Variants in COL25A1 observed in about 807,000 individuals in gnomAD.
The protein encoded by COL25A1 is collagen alpha-1(XXV) chain.
A neutral mutation model predicts 128.4 loss-of-function variants in COL25A1; 103 were observed. That is an observed-to-expected ratio of 0.80 (90% CI 0.68 to 0.94). The LOEUF is 0.94. Among genes scored for constraint, COL25A1 ranks in the 40% least tolerant of loss-of-function variants. The pLI is 0.00. For synonymous variants in COL25A1, 279 were observed against 277.2 expected (o/e 1.01, Z -0.06); for missense variants, 745 against 840.0 (o/e 0.89, Z 1.40).
chr4:108,846,503 C>T (rs1334129315), intron 27 of COL25A1, among the ~76,000 whole-genome samples: 1 of 152,160 alleles, frequency 6.6e-6, no homozygotes, highest in African/African-American at 2.4e-5. Flanking sequence ...GTATTTTTAC[C>T]TGGCAGCTAA....
intron 6 of COL25A1, among the ~76,000 whole-genome samples, chr4:109,003,598 C>T (rs1755671514): frequency 2.0e-5 from 3 of 152,150 alleles, no homozygotes; most frequent in South Asian, 2.1e-4. Flanking sequence ...GTCAGGAGTT[C>T]GAGACCAACC....
chr4:108,861,049 C>T (rs1330080752), intron 22 of COL25A1, 78 bp from the exon 23 acceptor site: 5 of 1,176,354 alleles, frequency 4.3e-6, no homozygotes, highest in Non-Finnish European at 6.4e-6. Flanking sequence ...ATGTTTATGC[C>T]ATACAGAAGC....
At chr4:109,126,121 T>C (rs1768575221) in intron 3 of COL25A1, among the ~76,000 whole-genome samples, 1 of 152,192 alleles carries the variant, frequency 6.6e-6, no homozygotes, top group South Asian at 2.1e-4. Context: ...ATTTTGCTAC[T>C]TGAAATGGAA....
chr4:109,218,703 CA>C (rs1778223660), intron 3 of COL25A1, among the ~76,000 whole-genome samples: 1 of 151,924 alleles, frequency 6.6e-6, no homozygotes, highest in Non-Finnish European at 1.5e-5. Context: ...CTCTTCACTT[CA>C]AAAAACATAA....
chr4:109,064,681 A>G (rs931857623), intron 3 of COL25A1, among the ~76,000 whole-genome samples: 1 of 152,252 alleles, frequency 6.6e-6, no homozygotes, highest in Non-Finnish European at 1.5e-5. Context: ...TAAGTTCTAC[A>G]GAATATTAGA....
intron 3 of COL25A1, among the ~76,000 whole-genome samples, chr4:109,153,914 C>T (rs13126849): frequency 0.088 from 13,411 of 152,250 alleles, 841 homozygotes; most frequent in East Asian, 0.23. Flanking sequence ...CAGGACTAAG[C>T]AGCTTGCTGA....
At chr4:109,210,688 C>T (rs1485828059) in intron 3 of COL25A1, among the ~76,000 whole-genome samples, 1 of 152,104 alleles carries the variant, frequency 6.6e-6, no homozygotes, top group African/African-American at 2.4e-5. Flanking sequence ...CAGTCTCAAT[C>T]TGACCCCTAG....
intron 6 of COL25A1, among the ~76,000 whole-genome samples, chr4:108,975,784 C>T (rs1385760710): frequency 1.3e-5 from 2 of 152,100 alleles, no homozygotes; most frequent in Admixed American, 6.5e-5. Flanking sequence ...TTTTAATATA[C>T]TTATTGACCA....
chr4:109,142,499 T>C (rs1770510531), intron 3 of COL25A1, among the ~76,000 whole-genome samples: 1 of 152,012 alleles, frequency 6.6e-6, no homozygotes, highest in African/African-American at 2.4e-5. Flanking sequence ...GTTAATCTAA[T>C]ATTGACAGTG....
intron 8 of COL25A1, among the ~76,000 whole-genome samples, chr4:108,971,913 T>G (rs1372277860): frequency 6.6e-6 from 1 of 152,184 alleles, no homozygotes; most frequent in Non-Finnish European, 1.5e-5. Flanking sequence ...AAGCACAGTA[T>G]CTTAAAGATG....
In COL25A1 at chr4:108,862,489, C is replaced by T. The variant is rs758947695; in HGVS notation, c.1197+12G>A. 1.9e-6 allele frequency: 3 copies of T among 1,603,326 alleles called. No individual in the cohort carries two copies. The East Asian group carries it at 6.7e-5, about 36-fold the overall frequency. On this transcript the variant is annotated intron_variant, in intron 22 of 37. Transcript: ENST00000399132. ...CCTCATGTTATATTTAAATGGTTAT[C>T]TGGTTACTGACCTTTGACCCCTTTG...
chr4:109,251,107 T>C (rs562582634), intron 3 of COL25A1, among the ~76,000 whole-genome samples: 2 of 152,330 alleles, frequency 1.3e-5, no homozygotes, highest in South Asian at 4.1e-4. Flanking sequence ...TTATGTTACA[T>C]AATAAGGGAA....
At chr4:109,225,974 T>C (rs1280549661) in intron 3 of COL25A1, among the ~76,000 whole-genome samples, 1 of 148,192 alleles carries the variant, frequency 6.7e-6, no homozygotes. Flanking sequence ...TGAAATACAA[T>C]AGTATTCCGT....
intron 3 of COL25A1, among the ~76,000 whole-genome samples, chr4:109,290,641 T>A (rs1724379016): frequency 1.3e-5 from 2 of 152,110 alleles, no homozygotes; most frequent in Non-Finnish European, 1.5e-5. Context: ...AGTCTCTTTT[T>A]TTGTAGTTTA....
At chr4:108,949,481 C>T (rs1388400731) in intron 8 of COL25A1, among the ~76,000 whole-genome samples, 1 of 152,076 alleles carries the variant, frequency 6.6e-6, no homozygotes, top group African/African-American at 2.4e-5. Context: ...GAGTCACCCC[C>T]TGACAACCTG....
intron 3 of COL25A1, among the ~76,000 whole-genome samples, chr4:109,182,366 T>C (rs1774738787): frequency 6.6e-6 from 1 of 152,120 alleles, no homozygotes; most frequent in Non-Finnish European, 1.5e-5. Context: ...TGTTTTCAAT[T>C]GTGTAAAGAA....
At chr4:108,854,117 A>G (rs1384612154) in intron 24 of COL25A1, 2 of 152,242 alleles carry the variant, frequency 1.3e-5, no homozygotes, top group Admixed American at 1.3e-4. Context: ...AGCAACGTGG[A>G]AAGGATTTCC....
At chr4:108,892,324 T>C (rs1470762446) in intron 16 of COL25A1, among the ~76,000 whole-genome samples, 2 of 152,228 alleles carry the variant, frequency 1.3e-5, no homozygotes, top group Non-Finnish European at 2.9e-5. Context: ...CTATGTTTCA[T>C]TCAAGCACAG....
At chr4:108,849,959 T>C (rs1735578211) in intron 26 of COL25A1, among the ~76,000 whole-genome samples, 1 of 152,116 alleles carries the variant, frequency 6.6e-6, no homozygotes, top group East Asian at 1.9e-4. Context: ...GGGAAGGGCC[T>C]TTTCTTATTT....
Sources: gnomAD v4.1 joint callset for allele counts (sites outside exome capture counted in the v4.1 genomes callset) on GRCh38, gnomAD v4.1.1 for gene constraint, MANE v1.5 for transcripts, NCBI Gene and HGNC (gene_info 2026-07-23, HGNC 2026-07-21) for gene names.